ELOVL4: variants seen among roughly 807,000 people sequenced by gnomAD.
ELOVL4 encodes the protein very long chain fatty acid elongase 4.
In ELOVL4, 18 loss-of-function variants were observed where a neutral mutation model predicts 42.1. The observed-to-expected ratio is 0.43, with a 90% CI of 0.30 to 0.63. ELOVL4 has a LOEUF of 0.63. ELOVL4 is among the 30% of genes least tolerant of loss of function. The pLI, the probability that ELOVL4 is intolerant of heterozygous loss-of-function variation, is 0.15. For synonymous variants in ELOVL4, 117 were observed against 127.0 expected (o/e 0.92, Z 0.53); for missense variants, 299 against 376.2 (o/e 0.79, Z 1.70).
chr6:79,944,521 T>C (rs1408948983), intron 1 of ELOVL4, among the ~76,000 whole-genome samples: 1 of 152,234 alleles, frequency 6.6e-6, no homozygotes, highest in Non-Finnish European at 1.5e-5. Context: ...AAAGTGTTAA[T>C]ACTGTAGTAA....
chr6:79,939,503 CTTTATTTATTTATTTA>C (rs70977795), intron 1 of ELOVL4, among the ~76,000 whole-genome samples: 1 of 145,538 alleles, frequency 6.9e-6, no homozygotes, highest in South Asian at 2.2e-4. Context: ...AATTTGACTA[CTTTATTTATTTATTTA>C]TTTATTTATT....
At chr6:79,932,029 G>A (rs1347730969) in intron 1 of ELOVL4, among the ~76,000 whole-genome samples, 2 of 152,072 alleles carry the variant, frequency 1.3e-5, no homozygotes, top group South Asian at 2.1e-4. Context: ...TAACCCTTGC[G>A]GACCCTTAAA....
intron 4 of ELOVL4, among the ~76,000 whole-genome samples, chr6:79,920,048 T>C (rs1774226656): frequency 6.6e-6 from 1 of 152,212 alleles, no homozygotes; most frequent in South Asian, 2.1e-4. Flanking sequence ...ACATTCTTTC[T>C]TTTCAGAATA....
intron 5 of ELOVL4, among the ~76,000 whole-genome samples, chr6:79,918,031 A>T (rs1203981498): frequency 1.3e-5 from 2 of 152,150 alleles, no homozygotes; most frequent in African/African-American, 2.4e-5. Flanking sequence ...AACTTATATG[A>T]CTAACTGTTG....
intron 5 of ELOVL4, among the ~76,000 whole-genome samples, chr6:79,917,732 A>C (rs771649575): frequency 7.9e-5 from 12 of 152,198 alleles, no homozygotes; most frequent in Non-Finnish European, 1.5e-4. Flanking sequence ...GAAGCAGAAG[A>C]ATAGCTTGAA....
At chr6:79,935,456 G>T (rs545648035) in intron 1 of ELOVL4, among the ~76,000 whole-genome samples, 1 of 152,280 alleles carries the variant, frequency 6.6e-6, no homozygotes, top group African/African-American at 2.4e-5. Context: ...AATCATCTTA[G>T]ATGATGGCAA....
intron 1 of ELOVL4, among the ~76,000 whole-genome samples, chr6:79,942,433 T>C (rs1774663325): frequency 6.6e-6 from 1 of 152,180 alleles, no homozygotes; most frequent in Non-Finnish European, 1.5e-5. Flanking sequence ...ACACTACTCA[T>C]TTCGGTGTGC....
chr6:79,947,548 G>T lies in ELOVL4; in HGVS notation c.-269C>A, dbSNP rs1413893664. 3 of 450,560 alleles carry T rather than the reference G, an allele frequency of 6.7e-6. No homozygotes were observed. The highest frequency in any genetic ancestry group is 3.6e-5 in the Admixed American group (1 of 27,534). The allele number at this position is 450,560 out of a possible 1,614,324, so 27.9% of individuals were successfully genotyped here. ...GCCGCCAGCACAGTGCGCTGCACCA[G>T]TCTGCAGCCTCGCGCAGCCGCCCCT... On this transcript the variant is annotated 5_prime_UTR_variant, in exon 1 of 6. In the 5' UTR this introduces an upstream ATG that the reference lacks. Transcript: ENST00000369816.
chr6:79,947,206 A>C lies in ELOVL4; in HGVS notation c.74T>G (p.Phe25Cys). Residue 25 changes from phenylalanine to cysteine, a missense_variant, in exon 1 of 6, where the codon TTC becomes TGC. Physicochemically the swap from Phe to Cys is radical, Grantham distance 205 (BLOSUM62 -2). Transcript: ENST00000369816. ...VSTALNDTVE[F>C]YRWTWSIADK... ...TGCGATGGACCAGGTCCAGCGGTAG[A>C]ACTCTACCGTGTCGTTGAGTGCCGT... 6.2e-7 allele frequency: 1 copy of C among 1,613,096 alleles called. No individual in the cohort carries two copies.
At chr6:79,921,864 AG>A (rs2127698556) in intron 3 of ELOVL4, 68 bp from the exon 4 acceptor site, 1 of 1,456,940 alleles carries the variant, frequency 6.9e-7, no homozygotes, top group Non-Finnish European at 9.6e-7. Flanking sequence ...ACTCATTGTA[AG>A]TAAGTCCAAA....
chr6:79,938,970 G>A (rs239523), intron 1 of ELOVL4, among the ~76,000 whole-genome samples: 40,588 of 152,038 alleles, frequency 0.27, 7,651 homozygotes, highest in African/African-American at 0.54. Flanking sequence ...CAAAAGTTAC[G>A]TAACTTCTGT....
intron 1 of ELOVL4, among the ~76,000 whole-genome samples, chr6:79,946,427 T>C (rs1289349926): frequency 6.6e-6 from 1 of 152,182 alleles, no homozygotes; most frequent in Non-Finnish European, 1.5e-5. Context: ...TGTATATATG[T>C]AGGCATCTGG....
chr6:79,934,649 T>C (rs1458304819), intron 1 of ELOVL4, among the ~76,000 whole-genome samples: 1 of 152,126 alleles, frequency 6.6e-6, no homozygotes, highest in Non-Finnish European at 1.5e-5. Flanking sequence ...ATATTCTGAA[T>C]ATGGACTCTC....
chr6:79,921,388 G>C (rs1774251874), intron 4 of ELOVL4, among the ~76,000 whole-genome samples: 1 of 146,620 alleles, frequency 6.8e-6, no homozygotes, highest in Non-Finnish European at 1.5e-5. Flanking sequence ...TGGAACCCGG[G>C]AGGTGGAGGT....
chr6:79,919,872 T>C (rs1774222711), intron 4 of ELOVL4, among the ~76,000 whole-genome samples: 1 of 152,194 alleles, frequency 6.6e-6, no homozygotes. Flanking sequence ...TTACTTTTAA[T>C]TCTACTATTC....
At chr6:79,928,237 G>A (rs1348337744) in intron 1 of ELOVL4, among the ~76,000 whole-genome samples, 3 of 152,068 alleles carry the variant, frequency 2.0e-5, no homozygotes, top group African/African-American at 7.2e-5. Context: ...CTTTAAGGCA[G>A]GCGCTGTTTT....
At chr6:79,926,890 C>G (rs772555137) in intron 1 of ELOVL4, among the ~76,000 whole-genome samples, 1 of 152,118 alleles carries the variant, frequency 6.6e-6, no homozygotes, top group Non-Finnish European at 1.5e-5. Context: ...GACAAGAGTA[C>G]AGGGGCACTG....
At chr6:79,928,032 A>G (rs921378432) in intron 1 of ELOVL4, among the ~76,000 whole-genome samples, 1 of 152,128 alleles carries the variant, frequency 6.6e-6, no homozygotes, top group Non-Finnish European at 1.5e-5. Flanking sequence ...TTATCATTCT[A>G]TGACCATATC....
intron 1 of ELOVL4, among the ~76,000 whole-genome samples, chr6:79,928,567 A>T (rs1371980058): frequency 6.6e-6 from 1 of 152,118 alleles, no homozygotes; most frequent in Non-Finnish European, 1.5e-5. Flanking sequence ...GGACTACCAC[A>T]GGAGAGAGGG....
Sources: gnomAD v4.1 joint callset for allele counts (sites outside exome capture counted in the v4.1 genomes callset) on GRCh38, gnomAD v4.1.1 for gene constraint, MANE v1.5 for transcripts, NCBI Gene and HGNC (gene_info 2026-07-23, HGNC 2026-07-21) for gene names.